The following SNRNP70 variants were observed in gnomAD, a reference collection of about 807,000 sequenced individuals.
SNRNP70 encodes the protein U1 small nuclear ribonucleoprotein 70 kDa.
A neutral mutation model predicts 50.5 loss-of-function variants in SNRNP70; 8 were observed. That is an observed-to-expected ratio of 0.16 (90% confidence interval 0.09 to 0.29). The LOEUF is 0.29. Ranked by LOEUF, SNRNP70 falls within the 10% of genes least tolerant of loss-of-function variation. The pLI is 1.00. For synonymous variants in SNRNP70, 320 were observed against 252.9 expected, an observed-to-expected ratio of 1.27 and a Z score of -2.52; for missense variants, 529 against 663.5, an observed-to-expected ratio of 0.80 and a Z score of 2.23.
At chr19:49,101,989 T>G in intron 7 of SNRNP70, 1 of 440,374 alleles carries the variant, frequency 2.3e-6, no homozygotes, top group South Asian at 1.7e-5. Flanking sequence ...GCCCCTACAG[T>G]TCCAAAGCCC....
intron 5 of SNRNP70, 71 bp downstream of exon 5, chr19:49,098,562 A>G: frequency 6.3e-7 from 1 of 1,594,454 alleles, no homozygotes; most frequent in African/African-American, 1.3e-5. Flanking sequence ...AAGGTCAAAT[A>G]GGCTAGGTAC....
Position 49,104,592 on chromosome 19 carries a change from C to G in SNRNP70, c.476-42C>G. 2.0e-6 allele frequency: 3 copies of G among 1,465,770 alleles called. No homozygotes were observed. The highest frequency in any genetic ancestry group is 2.5e-5 in the East Asian group (1 of 40,528). 90.8% of individuals were successfully genotyped at this position (1,465,770 alleles called of 1,614,324 possible). ...GGGCCTGTCCTGACTAGAGGACCCT[C>G]TGGGGACTCCTCTCCCCTCCCCCTC... is the stretch of plus-strand genomic sequence containing the variant. On this transcript the variant is annotated intron_variant, in intron 7 of 9. Coordinates refer to ENST00000598441, the MANE Select transcript of SNRNP70 (RefSeq NM_003089.6). This position sits in a 1 kb window ranked among gnomAD's most constrained non-coding sequence, Gnocchi z 5.4.
At chr19:49,102,521 C>G (rs929948048) in intron 7 of SNRNP70, 31 of 221,320 alleles carry the variant, frequency 1.4e-4, no homozygotes, top group African/African-American at 6.7e-4. Flanking sequence ...CAGGGCTCCA[C>G]TGGAGCCCTT....
chr19:49,095,913 A>G (rs2040506796), intron 4 of SNRNP70, among the ~76,000 whole-genome samples: 1 of 151,238 alleles, frequency 6.6e-6, no homozygotes, highest in Admixed American at 6.6e-5. Context: ...ACTTACTTAC[A>G]AGAGCACAAA....
chr19:49,094,304 G>A (rs1020309594), intron 4 of SNRNP70, among the ~76,000 whole-genome samples: 1 of 152,090 alleles, frequency 6.6e-6, no homozygotes, highest in Non-Finnish European at 1.5e-5. Flanking sequence ...ATCCAGGTTC[G>A]AGTGGTGAAT....
In SNRNP70 at chr19:49,107,692, C is replaced by T. The variant is rs763012781; in HGVS notation, c.645C>T (p.Asp215=). The T allele has an allele frequency of 1.9e-5, 30 of 1,613,956 alleles. No individual in the cohort carries two copies. The highest frequency in any genetic ancestry group is 2.5e-5 in the Non-Finnish European group (29 of 1,180,010). The part of the protein sequence containing the change: ...DVNIRHSGRD[D]TSRYDERPGP... ...ACATCCGGCATTCAGGCCGCGATGACACCTCCCGCTACGATGAGAGGTAAG... is the reference window on the plus strand; with the variant it reads ...ACATCCGGCATTCAGGCCGCGATGATACCTCCCGCTACGATGAGAGGTAAG... Residue 215 remains aspartate, a synonymous_variant, in exon 9 of 10, where the codon GAC becomes GAT. Transcript: ENST00000598441. This position sits in a 1 kb window ranked among gnomAD's most constrained non-coding sequence, Gnocchi z 6.0.
At chr19:49,086,068 A>G (rs1289138202) in intron 1 of SNRNP70, among the ~76,000 whole-genome samples, 2 of 152,144 alleles carry the variant, frequency 1.3e-5, no homozygotes, top group East Asian at 1.9e-4. Flanking sequence ...ACGAGCAGCC[A>G]CAGCTGCTCT....
chr19:49,089,656 A>ATTTTTT (rs71179085), intron 2 of SNRNP70, among the ~76,000 whole-genome samples: 29 of 82,612 alleles, frequency 3.5e-4, no homozygotes, highest in East Asian at 1.2e-3. Context: ...TTGAGACAGG[A>ATTTTTT]TTTTTTTTTT....
Position 49,108,122 on chromosome 19 carries a change from T to C in SNRNP70, c.993T>C (p.Pro331=). 6.5e-7 allele frequency: 1 copy of C among 1,547,800 alleles called. No individual in the cohort carries two copies. The highest frequency in any genetic ancestry group is 8.7e-7 in the Non-Finnish European group (1 of 1,147,468). ...GTGACGCGCCCCCTGATGATGGGCC[T>C]CCAGGGGAGCTCGGGCCTGACGGCC... ...EAGDAPPDDG[P]PGELGPDGPD... The change falls in exon 10 of 10, where the codon CCT becomes CCC. Residue 331 remains proline (P), a synonymous_variant. Coordinates refer to ENST00000598441, the MANE Select transcript of SNRNP70 (RefSeq NM_003089.6).
intron 7 of SNRNP70, chr19:49,102,502 G>C (rs2040602012): frequency 4.0e-6 from 1 of 249,782 alleles, no homozygotes; most frequent in Non-Finnish European, 8.3e-6. Flanking sequence ...CGAGGGCAGG[G>C]CTCCAGGCCA....
chr19:49,104,782 G>T lies in SNRNP70; in HGVS notation c.577+47G>T. 7.8e-7 allele frequency: 1 copy of T among 1,288,676 alleles called. No individual in the cohort carries two copies. Among genetic ancestry groups the T allele is most frequent in the Non-Finnish European group, 1.1e-6 (1 of 943,184 alleles). 79.8% of individuals were successfully genotyped at this position (1,288,676 alleles called of 1,614,324 possible). ...CGGGCTCTCGGGGGCCCTGGGCCTG[G>T]TGGCCTTGTTCTCCCTTCTCTGCTG... On this transcript the variant is annotated intron_variant, in intron 8 of 9. Coordinates refer to ENST00000598441, the MANE Select transcript of SNRNP70 (RefSeq NM_003089.6). This position sits in a 1 kb window ranked among gnomAD's most constrained non-coding sequence, Gnocchi z 5.4.
chr19:49,090,221 T>C (rs1024611780), intron 2 of SNRNP70, 70 bp from the exon 3 acceptor site: 1 of 1,385,274 alleles, frequency 7.2e-7, no homozygotes, highest in Admixed American at 1.7e-5. Flanking sequence ...ACCTGTTTAT[T>C]TCCTTGGTGA....
At chr19:49,099,366 G>A (rs117631979) in intron 6 of SNRNP70, among the ~76,000 whole-genome samples, 2,220 of 152,208 alleles carry the variant, frequency 0.015, 25 homozygotes, top group Non-Finnish European at 0.022. Context: ...CGGGAGGATA[G>A]CTTAAACCCA....
chr19:49,085,454 C>A lies in SNRNP70; in HGVS notation c.-193C>A, dbSNP rs949412600. 5 of 422,906 alleles carry A rather than the reference C, an allele frequency of 1.2e-5. No individual in the cohort carries two copies. The highest frequency in any genetic ancestry group is 1.5e-4 in the East Asian group (2 of 13,690). The allele number at this position is 422,906 out of a possible 1,614,324, so 26.2% of individuals were successfully genotyped here. A position where few individuals can be genotyped will look rare whatever the true frequency, so the allele number is the denominator to read the frequency against. On this transcript the variant is annotated 5_prime_UTR_variant, in exon 1 of 10. Coordinates refer to ENST00000598441, the MANE Select transcript of SNRNP70 (RefSeq NM_003089.6). ...GCCGGGACCCACCCCCTGCTCCAGT[C>A]GCTATCGGAGGCCGCGCGGGTGGCT...
chr19:49,104,893 T>C lies in SNRNP70; in HGVS notation c.577+158T>C, dbSNP rs977595490. On this transcript the variant is annotated intron_variant, in intron 8 of 9. Coordinates refer to ENST00000598441, the MANE Select transcript of SNRNP70 (RefSeq NM_003089.6). The surrounding 1 kb of genome is among the most constrained non-coding windows in gnomAD (Gnocchi z 5.4). ...CTCTCTCTTGTGGCCATCACATTTC[T>C]GACAGCTGCCTGCCTCCTCGTTCTG... is the stretch of plus-strand genomic sequence containing the variant. 5.9e-5 allele frequency among the ~76,000 whole-genome samples: 9 copies of C among 152,230 alleles called. No individual in the cohort carries two copies. The highest frequency in any genetic ancestry group is 2.2e-4 in the African/African-American group (9 of 41,460).
rs1568424561 is a variant in SNRNP70 at position 49,108,036 on chromosome 19, C to T, written c.907C>T (p.Arg303Trp). 6 of 1,548,592 alleles carry T rather than the reference C, an allele frequency of 3.9e-6. No homozygotes were observed. The highest frequency in any genetic ancestry group is 3.5e-6 in the Non-Finnish European group (4 of 1,146,952). Residue 303 changes from arginine (R) to tryptophan (W), a missense_variant, in exon 10 of 10, where the codon CGG (arginine) becomes TGG (tryptophan). By Grantham distance (101) the Arg-to-Trp change is moderately radical. Around this residue, in one of 4 missense-constraint regions of SNRNP70, gnomAD observed 327 missense variants for 308.8 expected, o/e 1.06. Transcript: ENST00000598441. Reference sequence around the variant, plus strand: ...GAGTCGGGAGCGGGCCCGGCGGGAGCGGGAGCGCAAGGAGGAGCTGCGTGG... The same window carrying T: ...GAGTCGGGAGCGGGCCCGGCGGGAGTGGGAGCGCAAGGAGGAGCTGCGTGG... ...SRSRERARRE[R>W]ERKEELRGGG...
chr19:49,105,105 A>G (rs988597763), intron 8 of SNRNP70, among the ~76,000 whole-genome samples: 8 of 151,904 alleles, frequency 5.3e-5, no homozygotes, highest in Non-Finnish European at 7.4e-5. Flanking sequence ...GGGGTTGTAA[A>G]TGTCACTCGC....
intron 4 of SNRNP70, among the ~76,000 whole-genome samples, chr19:49,093,693 C>CAA (rs376626601): frequency 2.5e-4 from 31 of 123,168 alleles, no homozygotes; most frequent in South Asian, 1.6e-3. Flanking sequence ...AAAAAAAAAA[C>CAA]AAAAAAAAAA....
At chr19:49,090,697 G>A in intron 4 of SNRNP70, 177 bp downstream of exon 4, 1 of 640,814 alleles carries the variant, frequency 1.6e-6, no homozygotes, top group East Asian at 2.8e-5. Context: ...AGGCTTTTCA[G>A]CAGCAGAACA....
Sources: gnomAD v4.1 joint callset for allele counts (sites outside exome capture counted in the v4.1 genomes callset) on GRCh38, gnomAD v4.1.1 for gene constraint, gnomAD v4.1.1 regional missense constraint, Gnocchi (gnomAD v3.1) non-coding constraint, MANE v1.5 for transcripts, NCBI Gene and HGNC (gene_info 2026-07-23, HGNC 2026-07-21) for gene names.